ADARB1: variants seen among roughly 807,000 people sequenced by gnomAD.
The protein encoded by ADARB1 is adenosine deaminase RNA specific B1.
ADARB1 carries 10 observed loss-of-function variants against 52.4 expected under a neutral mutation model. That is an observed-to-expected ratio of 0.19 (90% confidence interval 0.12 to 0.32). The LOEUF (loss-of-function observed/expected upper bound fraction) is 0.32, where lower values mean the gene tolerates loss of function less well. Among genes scored for constraint, ADARB1 ranks in the 10% least tolerant of loss-of-function variants. The probability of loss-of-function intolerance (pLI) is 1.00; values close to 1 mark genes in which losing one functional copy is unlikely to be tolerated. For missense variants in ADARB1, 643 were observed against 922.3 expected (o/e 0.70, Z 3.92); for synonymous variants, 349 against 371.1 (o/e 0.94, Z 0.68).
chr21:45,145,815 C>CT (rs1408996439), intron 2 of ADARB1: 1 of 152,198 alleles, frequency 6.6e-6, no homozygotes, highest in Admixed American at 6.5e-5. Flanking sequence ...CCCAGATGAA[C>CT]TTTTAATGAC....
chr21:45,124,413 C>T (rs2088424300), intron 1 of ADARB1, among the ~76,000 whole-genome samples: 1 of 152,110 alleles, frequency 6.6e-6, no homozygotes, highest in Non-Finnish European at 1.5e-5. Flanking sequence ...CACTCTGTCT[C>T]CCAGGCTCTA....
rs991362358 is a variant in ADARB1, at chr21:45,185,190, C to T, written c.1565+99C>T. 2.0e-5 allele frequency: 28 copies of T among 1,434,722 alleles called. No individual in the cohort carries two copies. In the African/African-American group the frequency reaches 3.2e-4, roughly 17 times the overall value. 88.9% of individuals were successfully genotyped at this position (1,434,722 alleles called of 1,614,324 possible). ...TTCCACAACCATTTGAATTTTGGCC[C>T]CATTTCCCACTCAGGTGTTCCACAG... On this transcript the variant is annotated intron_variant, in intron 8 of 10. Transcript: ENST00000348831.
rs116171423 is a variant in ADARB1, at chr21:45,171,102, T to C, written c.-47-508T>C. Among the ~76,000 whole-genome samples, 1,303 of 152,338 alleles carry C rather than the reference T, an allele frequency of 8.6e-3. 15 individuals carry two copies. The highest frequency in any genetic ancestry group is 0.03 in the African/African-American group (1,237 of 41,578). Reference sequence around the variant, plus strand: ...GCCAAAAGTCTACCCAGAGTAAAGATAGATGGCAAGTATGTGAGCGCCCTT... The same window carrying C: ...GCCAAAAGTCTACCCAGAGTAAAGACAGATGGCAAGTATGTGAGCGCCCTT... On this transcript the variant is annotated intron_variant, in intron 2 of 10. Coordinates refer to ENST00000348831, the MANE Select transcript of ADARB1 (RefSeq NM_001112.4).
intron 8 of ADARB1, among the ~76,000 whole-genome samples, chr21:45,189,744 T>C (rs1451088977): frequency 2.0e-5 from 3 of 152,028 alleles, no homozygotes. Context: ...TTTTTTTTTT[T>C]TTTTCTTTCA....
At chr21:45,202,986 G>A (rs1278151808) in intron 8 of ADARB1, among the ~76,000 whole-genome samples, 1 of 151,908 alleles carries the variant, frequency 6.6e-6, no homozygotes, top group Non-Finnish European at 1.5e-5. Flanking sequence ...ACACTGTGCT[G>A]AGCGTCTTCC....
intron 2 of ADARB1, among the ~76,000 whole-genome samples, chr21:45,159,757 C>T (rs1384502524): frequency 6.6e-6 from 1 of 152,134 alleles, no homozygotes; most frequent in Non-Finnish European, 1.5e-5. Context: ...CTCTGGACAG[C>T]AGTGTGAACA....
chr21:45,192,776 A>G (rs1054190256), intron 8 of ADARB1, among the ~76,000 whole-genome samples: 3 of 152,250 alleles, frequency 2.0e-5, no homozygotes, highest in African/African-American at 7.2e-5. Flanking sequence ...TGCTACAGAT[A>G]CTAAAAGGAT....
In ADARB1 at chr21:45,182,317, C is replaced by T. The variant is rs117407686; in HGVS notation, c.1079-268C>T. Among the ~76,000 whole-genome samples the T allele has an allele frequency of 1.8e-4, 27 of 152,290 alleles. No homozygotes were observed. In the East Asian group the frequency reaches 5.2e-3, roughly 29 times the overall value. ...ATTGCATACCAGAGGAAATGACTTC[C>T]TTGAGTTTAGTGTCTGGACACTAAG... On this transcript the variant is annotated intron_variant, in intron 5 of 10. Coordinates refer to ENST00000348831, the MANE Select transcript of ADARB1 (RefSeq NM_001112.4).
chr21:45,173,572 A>G (rs759973938), intron 3 of ADARB1, among the ~76,000 whole-genome samples: 6 of 152,016 alleles, frequency 3.9e-5, no homozygotes, highest in Non-Finnish European at 7.4e-5. Context: ...CAGAGGTTAT[A>G]AATATTTGGT....
At chr21:45,179,014 C>T (rs2091820232) in intron 4 of ADARB1, among the ~76,000 whole-genome samples, 1 of 152,198 alleles carries the variant, frequency 6.6e-6, no homozygotes, top group African/African-American at 2.4e-5. Context: ...ACTTTTATTT[C>T]CTCTGGCTTA....
chr21:45,159,519 A>C (rs2090851106), intron 2 of ADARB1, among the ~76,000 whole-genome samples: 1 of 152,242 alleles, frequency 6.6e-6, no homozygotes, highest in African/African-American at 2.4e-5. Flanking sequence ...TACTAGAATT[A>C]GATTTAGAAG....
In ADARB1 at chr21:45,225,478, T is replaced by A. The variant is rs2093046285; in HGVS notation, c.*3281T>A. On this transcript the variant is annotated 3_prime_UTR_variant, in exon 11 of 11. Coordinates refer to ENST00000348831, the MANE Select transcript of ADARB1 (RefSeq NM_001112.4). ...ATTTATTTTTATTCAAATAACCATA[T>A]TTATCTCCAGGCTGTGGAATCGCCA... 7.6e-7 allele frequency: 1 copy of A among 1,312,394 alleles called. No homozygotes were observed. The highest frequency in any genetic ancestry group is 3.0e-5 in the Admixed American group (1 of 32,854). 81.3% of individuals were successfully genotyped at this position (1,312,394 alleles called of 1,614,324 possible). A position where few individuals can be genotyped will look rare whatever the true frequency, so the allele number is the denominator to read the frequency against.
chr21:45,207,406 G>C (rs974737783), intron 9 of ADARB1, among the ~76,000 whole-genome samples: 1 of 152,216 alleles, frequency 6.6e-6, no homozygotes, highest in Non-Finnish European at 1.5e-5. Flanking sequence ...ACAGGGTGGA[G>C]CAGGATGGGA....
chr21:45,110,999 C>T (rs991899262), intron 1 of ADARB1, among the ~76,000 whole-genome samples: 7 of 152,168 alleles, frequency 4.6e-5, no homozygotes, highest in African/African-American at 1.2e-4. Flanking sequence ...CGTCTCTCAG[C>T]TCATCAGCAG....
chr21:45,156,413 A>T (rs1453886771), intron 2 of ADARB1, among the ~76,000 whole-genome samples: 3 of 146,574 alleles, frequency 2.0e-5, no homozygotes, highest in Admixed American at 1.3e-4. Flanking sequence ...CCACCCACCC[A>T]TCATCACCCA....
intron 9 of ADARB1, among the ~76,000 whole-genome samples, chr21:45,207,285 GT>G: frequency 6.6e-6 from 1 of 152,308 alleles, no homozygotes; most frequent in Middle Eastern, 3.4e-3. Flanking sequence ...TTTTGTTGTT[GT>G]TTCCCTGAAG....
At chr21:45,148,841 T>G (rs1270863217) in intron 2 of ADARB1, among the ~76,000 whole-genome samples, 2 of 152,184 alleles carry the variant, frequency 1.3e-5, no homozygotes, top group Non-Finnish European at 2.9e-5. Flanking sequence ...TCTCCCCAGC[T>G]TCTCTCTCCA....
Position 45,176,941 on chromosome 21 carries a change from A to G in ADARB1, c.963+277A>G. The G allele has an allele frequency of 3.0e-6, 1 of 336,724 alleles. No homozygotes were observed. Among genetic ancestry groups the G allele is most frequent in the Non-Finnish European group, 5.1e-6 (1 of 196,228 alleles). The allele number at this position is 336,724 out of a possible 1,614,324, so 20.9% of individuals were successfully genotyped here. On this transcript the variant is annotated intron_variant, in intron 4 of 10. Transcript: ENST00000348831. The surrounding 1 kb of genome is among the most constrained non-coding windows in gnomAD (Gnocchi z 5.8). ...AGCAGTGTTTACAACACTATCCATAACTCCCTTCCCGTTAGGCAACCCCCC... is the reference window on the plus strand; with the variant it reads ...AGCAGTGTTTACAACACTATCCATAGCTCCCTTCCCGTTAGGCAACCCCCC...
rs1349892094 is a variant in ADARB1 at position 45,224,205 on chromosome 21, G to A, written c.*2008G>A. On this transcript the variant is annotated 3_prime_UTR_variant, in exon 11 of 11. Coordinates refer to ENST00000348831, the MANE Select transcript of ADARB1 (RefSeq NM_001112.4). ...CGTTTTTAAAAATATGTGGATTTTG[G>A]TTACCAAGTTTAGTGTTAATATATT... 6.1e-6 allele frequency: 6 copies of A among 985,270 alleles called. No individual in the cohort carries two copies. The African/African-American group carries it at 7.0e-5, about 11-fold the overall frequency. 61.0% of individuals were successfully genotyped at this position (985,270 alleles called of 1,614,324 possible).
Sources: gnomAD v4.1 joint callset for allele counts (sites outside exome capture counted in the v4.1 genomes callset) on GRCh38, gnomAD v4.1.1 for gene constraint, Gnocchi (gnomAD v3.1) non-coding constraint, MANE v1.5 for transcripts, NCBI Gene and HGNC (gene_info 2026-07-23, HGNC 2026-07-21) for gene names.